The following GABRG3 variants were observed in gnomAD, a reference collection of about 807,000 sequenced individuals.
The protein encoded by GABRG3 is gamma-aminobutyric acid receptor subunit gamma-3.
In GABRG3, 25 loss-of-function variants were observed where a neutral mutation model predicts 48.8. The observed-to-expected ratio is 0.51, with a 90% CI of 0.37 to 0.72. GABRG3 has a LOEUF of 0.72. GABRG3 is among the 30% of genes least tolerant of loss of function. GABRG3 has a pLI of 0.00. For missense variants in GABRG3, 394 were observed against 577.9 expected, an observed-to-expected ratio of 0.68 and a Z score of 3.26; for synonymous variants, 227 against 217.6, an observed-to-expected ratio of 1.04 and a Z score of -0.38.
chr15:27,028,692 G>A (rs1159481213), intron 3 of GABRG3, among the ~76,000 whole-genome samples: 1 of 151,576 alleles, frequency 6.6e-6, no homozygotes, highest in Non-Finnish European at 1.5e-5. Flanking sequence ...TGTAGTCTCA[G>A]CTACTCGAGA....
At chr15:27,136,920 A>G (rs917068916) in intron 3 of GABRG3, among the ~76,000 whole-genome samples, 9 of 152,032 alleles carry the variant, frequency 5.9e-5, no homozygotes, top group Non-Finnish European at 1.3e-4. Flanking sequence ...CACTCCTTTT[A>G]TTAAATACTG....
At chr15:27,335,207 C>T (rs935134531) in intron 5 of GABRG3, among the ~76,000 whole-genome samples, 4 of 152,168 alleles carry the variant, frequency 2.6e-5, no homozygotes, top group Non-Finnish European at 5.9e-5. Context: ...CATTGGTAGA[C>T]AAGACCCTGT....
intron 2 of GABRG3, among the ~76,000 whole-genome samples, chr15:27,019,606 G>T (rs1257063449): frequency 6.6e-6 from 1 of 152,212 alleles, no homozygotes; most frequent in African/African-American, 2.4e-5. Flanking sequence ...GACATTAGCA[G>T]AGGGAGAGAA....
intron 2 of GABRG3, among the ~76,000 whole-genome samples, chr15:26,987,343 C>A (rs1895171250): frequency 6.6e-6 from 1 of 152,188 alleles, no homozygotes. Flanking sequence ...ACTTTACTGT[C>A]GTAAATGCTT....
At chr15:27,003,241 TATTGATCA>T in intron 2 of GABRG3, among the ~76,000 whole-genome samples, 1 of 150,042 alleles carries the variant, frequency 6.7e-6, no homozygotes, top group African/African-American at 2.4e-5. Flanking sequence ...ATTTATTTTT[TATTGATCA>T]TTCTTGGGTG....
intron 6 of GABRG3, among the ~76,000 whole-genome samples, chr15:27,502,394 A>G (rs756627837): frequency 6.6e-6 from 1 of 152,208 alleles, no homozygotes; most frequent in Non-Finnish European, 1.5e-5. Flanking sequence ...TTGTAGCTGG[A>G]AAAACACACA....
At chr15:27,485,946 G>A (rs1290532166) in intron 6 of GABRG3, among the ~76,000 whole-genome samples, 1 of 152,174 alleles carries the variant, frequency 6.6e-6, no homozygotes, top group Non-Finnish European at 1.5e-5. Context: ...GACATTTGCA[G>A]GTTAATCCAT....
At chr15:27,368,358 G>C (rs914198534) in intron 5 of GABRG3, among the ~76,000 whole-genome samples, 1 of 152,188 alleles carries the variant, frequency 6.6e-6, no homozygotes, top group Non-Finnish European at 1.5e-5. Context: ...TAGGGTGGTT[G>C]GTCAAAACTG....
At chr15:27,423,115 C>T (rs1888175967) in intron 5 of GABRG3, among the ~76,000 whole-genome samples, 1 of 151,582 alleles carries the variant, frequency 6.6e-6, no homozygotes, top group East Asian at 1.9e-4. Flanking sequence ...AACTGAAATT[C>T]AGGGCTCCCA....
chr15:27,132,706 A>C (rs538989580), intron 3 of GABRG3, among the ~76,000 whole-genome samples: 86 of 151,060 alleles, frequency 5.7e-4, no homozygotes, highest in African/African-American at 2.0e-3. Context: ...TTCATTTATT[A>C]GTCAGTATAG....
chr15:27,214,052 A>G (rs925224389), intron 3 of GABRG3, among the ~76,000 whole-genome samples: 1 of 152,214 alleles, frequency 6.6e-6, no homozygotes, highest in Admixed American at 6.5e-5. Context: ...GGCTTCGCTA[A>G]GATGTGTGAT....
intron 5 of GABRG3, among the ~76,000 whole-genome samples, chr15:27,460,303 C>T (rs1193782472): frequency 5.9e-5 from 9 of 152,212 alleles, no homozygotes; most frequent in Admixed American, 3.9e-4. Context: ...TCATGCCACC[C>T]GTGTCCCTGC....
intron 3 of GABRG3, among the ~76,000 whole-genome samples, chr15:27,263,079 A>G (rs1430606399): frequency 2.0e-5 from 3 of 152,208 alleles, no homozygotes; most frequent in African/African-American, 4.8e-5. Context: ...ACTTAGGTCA[A>G]TGCCAGGGGC....
chr15:27,334,616 A>G (rs149484813), intron 5 of GABRG3, among the ~76,000 whole-genome samples: 10 of 152,274 alleles, frequency 6.6e-5, no homozygotes, highest in South Asian at 2.1e-4. Flanking sequence ...TTAAAATGCT[A>G]TGGTATGAGA....
chr15:27,164,286 C>T (rs930616854), intron 3 of GABRG3, among the ~76,000 whole-genome samples: 3 of 152,152 alleles, frequency 2.0e-5, no homozygotes, highest in Admixed American at 6.5e-5. Flanking sequence ...CATTACATGT[C>T]AGTCCTGAAT....
intron 2 of GABRG3, among the ~76,000 whole-genome samples, chr15:27,009,465 G>A (rs1368825020): frequency 6.6e-6 from 1 of 152,128 alleles, no homozygotes; most frequent in Non-Finnish European, 1.5e-5. Flanking sequence ...AAACAAACAA[G>A]CAAAAGTTCT....
intron 3 of GABRG3, among the ~76,000 whole-genome samples, chr15:27,102,710 T>C (rs891470062): frequency 2.0e-5 from 3 of 152,224 alleles, no homozygotes; most frequent in African/African-American, 4.8e-5. Context: ...ATTTCCACCA[T>C]ATAATTGTGA....
intron 3 of GABRG3, among the ~76,000 whole-genome samples, chr15:27,058,023 C>T (rs1257089219): frequency 2.0e-5 from 3 of 152,124 alleles, no homozygotes; most frequent in African/African-American, 7.2e-5. Context: ...AATCTGCCGA[C>T]AGTTCTCAAA....
At chr15:27,398,130 T>C (rs559934112) in intron 5 of GABRG3, among the ~76,000 whole-genome samples, 1 of 152,254 alleles carries the variant, frequency 6.6e-6, no homozygotes, top group East Asian at 1.9e-4. Context: ...GTATATAATC[T>C]ATACCATTTA....
Sources: gnomAD v4.1 joint callset for allele counts (sites outside exome capture counted in the v4.1 genomes callset) on GRCh38, gnomAD v4.1.1 for gene constraint, MANE v1.5 for transcripts, NCBI Gene and HGNC (gene_info 2026-07-23, HGNC 2026-07-21) for gene names.